The following BRAF variants were observed in gnomAD, a reference collection of about 807,000 sequenced individuals.
BRAF encodes B-Raf proto-oncogene, serine/threonine kinase, also known as serine/threonine-protein kinase B-raf.
A neutral mutation model predicts 104.6 loss-of-function variants in BRAF; 16 were observed. The observed-to-expected ratio is 0.15, with a 90% confidence interval of 0.10 to 0.23. The LOEUF (loss-of-function observed/expected upper bound fraction) is 0.23, where lower values mean the gene tolerates loss of function less well. BRAF is among the 10% of genes least tolerant of loss of function. The pLI is 1.00. For missense variants in BRAF, 541 were observed against 937.3 expected (o/e 0.58, Z 5.52); for synonymous variants, 310 against 341.6 (o/e 0.91, Z 1.02).
chr7:140,890,304 G>A (rs1383647677), intron 1 of BRAF, among the ~76,000 whole-genome samples: 2 of 151,736 alleles, frequency 1.3e-5, no homozygotes, highest in Non-Finnish European at 2.9e-5. Flanking sequence ...AACTTTTTTG[G>A]GGATAATCTC....
At position 140,723,139 on chromosome 7, in the gene BRAF, G is replaced by A; in HGVS notation, c.*3355C>T. 2.9e-6 allele frequency: 3 copies of A among 1,052,548 alleles called. No homozygotes were observed. The highest frequency in any genetic ancestry group is 2.3e-6 in the Non-Finnish European group (2 of 871,370). The allele number at this position is 1,052,548 out of a possible 1,614,324, so 65.2% of individuals were successfully genotyped here. A position where few individuals can be genotyped will look rare whatever the true frequency, so the allele number is the denominator to read the frequency against. ...GTGGTTTCGAACTAAAGCTAGAGAT[G>A]AGGTTTGCAAGCAGCTGGCGGGTGG... On this transcript the variant is annotated 3_prime_UTR_variant, in exon 20 of 20. Coordinates refer to ENST00000644969, the MANE Select transcript of BRAF (RefSeq NM_001374258.1).
intron 1 of BRAF, among the ~76,000 whole-genome samples, chr7:140,897,466 A>G (rs1481514126): frequency 1.3e-5 from 2 of 151,004 alleles, no homozygotes; most frequent in Non-Finnish European, 3.0e-5. Flanking sequence ...TATGCTTTTA[A>G]CTCTGGATAG....
chr7:140,875,350 A>G (rs1297777261), intron 1 of BRAF, among the ~76,000 whole-genome samples: 1 of 152,232 alleles, frequency 6.6e-6, no homozygotes, highest in African/African-American at 2.4e-5. Context: ...CTCACACATC[A>G]TAAAGTGTTG....
chr7:140,788,060 A>G (rs1801576884), intron 8 of BRAF, among the ~76,000 whole-genome samples: 1 of 152,158 alleles, frequency 6.6e-6, no homozygotes, highest in East Asian at 1.9e-4. Flanking sequence ...AGGTAATGGG[A>G]TAATCTGTGT....
rs138757224 is a variant in BRAF at position 140,736,360 on chromosome 7, C to T, written c.2248-1590G>A. Among the ~76,000 whole-genome samples, 1,335 of 150,948 alleles carry T rather than the reference C, an allele frequency of 8.8e-3. 23 individuals are homozygous for T. Among genetic ancestry groups the T allele is most frequent in the African/African-American group, 0.03 (1,241 of 41,080 alleles). ...CTGGGATTACAGGTGTGAGTCACTG[C>T]GCCTGGCCTCTTCAGTACCTTTTTT... On this transcript the variant is annotated intron_variant, in intron 18 of 19. Coordinates refer to ENST00000644969, the MANE Select transcript of BRAF (RefSeq NM_001374258.1).
intron 1 of BRAF, among the ~76,000 whole-genome samples, chr7:140,916,472 AAC>A (rs1166632127): frequency 6.6e-6 from 1 of 152,258 alleles, no homozygotes; most frequent in African/African-American, 2.4e-5. Context: ...GATGGAGAAT[AAC>A]ACATTGTAAA....
At chr7:140,816,188 G>T (rs1804866199) in intron 3 of BRAF, among the ~76,000 whole-genome samples, 1 of 152,142 alleles carries the variant, frequency 6.6e-6, no homozygotes, top group African/African-American at 2.4e-5. Context: ...TCATCAAGTT[G>T]CTATGAAGAT....
intron 3 of BRAF, among the ~76,000 whole-genome samples, chr7:140,827,059 G>A (rs1016368428): frequency 6.6e-6 from 1 of 152,104 alleles, no homozygotes; most frequent in African/African-American, 2.4e-5. Context: ...TTTCCTCATG[G>A]TGCTTACCTT....
chr7:140,807,707 C>T (rs972077886), intron 5 of BRAF, among the ~76,000 whole-genome samples: 3 of 152,100 alleles, frequency 2.0e-5, no homozygotes, highest in Non-Finnish European at 4.4e-5. Flanking sequence ...TTTTACTTGA[C>T]ATACTTCTGC....
rs554237099 is a variant in BRAF at position 140,903,642 on chromosome 7, T to C, written c.138+20924A>G. ...ACCTTTCATTGGGCTATAGCCGCCA[T>C]AGATATCGTTATTACTCTGATGGAT... On this transcript the variant is annotated intron_variant, in intron 1 of 19. Coordinates refer to ENST00000644969, the MANE Select transcript of BRAF (RefSeq NM_001374258.1). 7.9e-5 allele frequency among the ~76,000 whole-genome samples: 12 copies of C among 152,342 alleles called. 1 individual carries two copies. The highest frequency in any genetic ancestry group is 4.1e-4 in the South Asian group (2 of 4,830).
intron 14 of BRAF, among the ~76,000 whole-genome samples, chr7:140,772,263 T>C (rs1263590966): frequency 7.7e-6 from 1 of 129,632 alleles, no homozygotes; most frequent in Non-Finnish European, 1.6e-5. Context: ...TTAAAACAGA[T>C]TGTTTAACTA....
rs1234310817 is a variant in BRAF at position 140,723,818 on chromosome 7, T to C, written c.*2676A>G. On this transcript the variant is annotated 3_prime_UTR_variant, in exon 20 of 20. Transcript: ENST00000644969. Reference sequence around the variant, plus strand: ...AGCCACATACTGTCTATACAATTACTCATAAAGTGCTTTTCACAAATAAGG... The same window carrying C: ...AGCCACATACTGTCTATACAATTACCCATAAAGTGCTTTTCACAAATAAGG... The C allele has an allele frequency of 1.9e-6, 2 of 1,046,632 alleles. No individual in the cohort carries two copies. The highest frequency in any genetic ancestry group is 2.3e-6 in the Non-Finnish European group (2 of 867,596). The allele number at this position is 1,046,632 out of a possible 1,614,324, so 64.8% of individuals were successfully genotyped here.
At chr7:140,746,509 C>T (rs955288682) in intron 17 of BRAF, among the ~76,000 whole-genome samples, 2 of 151,918 alleles carry the variant, frequency 1.3e-5, no homozygotes, top group African/African-American at 4.8e-5. Flanking sequence ...AATTCTTAGC[C>T]GAATTCCCTT....
At chr7:140,813,397 G>T (rs1449201722) in intron 3 of BRAF, among the ~76,000 whole-genome samples, 1 of 152,112 alleles carries the variant, frequency 6.6e-6, no homozygotes, top group Non-Finnish European at 1.5e-5. Flanking sequence ...ATATTCTACT[G>T]GTATGAAGCT....
At chr7:140,838,629 A>C (rs1807602468) in intron 2 of BRAF, among the ~76,000 whole-genome samples, 1 of 152,236 alleles carries the variant, frequency 6.6e-6, no homozygotes, top group African/African-American at 2.4e-5. Flanking sequence ...TCATATGGAA[A>C]TACAACGGAC....
chr7:140,872,741 T>C (rs181234107), intron 1 of BRAF, among the ~76,000 whole-genome samples: 12 of 152,108 alleles, frequency 7.9e-5, no homozygotes, highest in Non-Finnish European at 1.3e-4. Context: ...CATGTGTCTG[T>C]AGTTCCAGCT....
chr7:140,795,617 A>T (rs1185086321), intron 7 of BRAF, among the ~76,000 whole-genome samples: 1 of 152,240 alleles, frequency 6.6e-6, no homozygotes, highest in Non-Finnish European at 1.5e-5. Flanking sequence ...AGTGAAAGTC[A>T]GTCTCTGAAT....
intron 14 of BRAF, among the ~76,000 whole-genome samples, chr7:140,768,293 A>G (rs544383158): frequency 6.6e-6 from 1 of 152,260 alleles, no homozygotes; most frequent in African/African-American, 2.4e-5. Flanking sequence ...GCAAAGGATA[A>G]TGTCACTCAT....
At position 140,784,531 on chromosome 7, in the gene BRAF, G is replaced by C. The variant is rs188370174; in HGVS notation, c.1297+1158C>G. Among the ~76,000 whole-genome samples the C allele has an allele frequency of 8.1e-4, 124 of 152,244 alleles. No individual in the cohort carries two copies. Among genetic ancestry groups the C allele is most frequent in the Admixed American group, 7.8e-4 (12 of 15,290 alleles). On this transcript the variant is annotated intron_variant, in intron 10 of 19. Coordinates refer to ENST00000644969, the MANE Select transcript of BRAF (RefSeq NM_001374258.1). ...TTTCTGAGAAACAGCAGGGCTGAGA[G>C]AGCAAAAATCTAAAGCACCATTACT...
Sources: allele counts gnomAD v4.1 joint callset (sites outside exome capture counted in the v4.1 genomes callset), GRCh38; gene constraint gnomAD v4.1.1; transcripts MANE v1.5; gene names NCBI Gene and HGNC (gene_info 2026-07-23, HGNC 2026-07-21).